The following ABCC12 variants were observed in gnomAD, a reference collection of about 807,000 sequenced individuals.
The protein encoded by ABCC12 is ATP binding cassette subfamily C member 12.
Under a neutral mutation model 151.1 loss-of-function variants are expected in ABCC12, and 142 were observed. The ratio of observed to expected loss-of-function variants is 0.94; its 90% CI spans 0.82 to 1.08. The LOEUF (loss-of-function observed/expected upper bound fraction) is 1.08, where lower values mean the gene tolerates loss of function less well. Among genes scored for constraint, ABCC12 ranks in the 50% least tolerant of loss-of-function variants. The pLI, the probability that ABCC12 is intolerant of heterozygous loss-of-function variation, is 0.00. For synonymous variants in ABCC12, 645 were observed against 646.4 expected (o/e 1.00, Z 0.03); for missense variants, 1,638 against 1,691.1 (o/e 0.97, Z 0.55).
rs759334010 is a variant in ABCC12, at chr16:48,138,217, T to G, written c.979+11A>C. On this transcript the variant is annotated intron_variant, in intron 8 of 30. Coordinates refer to ENST00000311303, the MANE Select transcript of ABCC12 (RefSeq NM_001393797.1). ...GGTAAGTGGTTCTTTAAGCAGCTAC[T>G]CTTGTCCTACCTTGGATAGTGTTGG... The G allele has an allele frequency of 6.3e-7, 1 of 1,595,236 alleles. No homozygotes were observed. The highest frequency in any genetic ancestry group is 8.6e-7 in the Non-Finnish European group (1 of 1,165,558).
intron 13 of ABCC12, among the ~76,000 whole-genome samples, chr16:48,121,080 T>A (rs1332750653): frequency 6.6e-6 from 1 of 152,148 alleles, no homozygotes; most frequent in Non-Finnish European, 1.5e-5. Flanking sequence ...TGAAACTTTG[T>A]ACCCTTTGGT....
chr16:48,140,036 T>A (rs74018260), intron 6 of ABCC12, among the ~76,000 whole-genome samples: 4,915 of 152,302 alleles, frequency 0.032, 251 homozygotes, highest in African/African-American at 0.11. Flanking sequence ...TACTTTTTTT[T>A]AATTCACTGT....
At position 48,088,215 on chromosome 16, in the gene ABCC12, G is replaced by A; in HGVS notation, c.3476-130C>T. The stretch of plus-strand genomic sequence containing the variant: ...GTAAGGATGACAGTGTAGACAGAAA[G>A]TGTCCTCACCAGGGTGGGGGTGGAG... On this transcript the variant is annotated intron_variant, in intron 26 of 30. Transcript: ENST00000311303. The A allele has an allele frequency of 1.3e-5, 15 of 1,151,378 alleles. No individual in the cohort carries two copies. In the South Asian group the frequency reaches 1.5e-4, roughly 12 times the overall value. 71.3% of individuals were successfully genotyped at this position (1,151,378 alleles called of 1,614,324 possible).
At chr16:48,113,886 G>A (rs1788375065) in intron 15 of ABCC12, among the ~76,000 whole-genome samples, 2 of 152,142 alleles carry the variant, frequency 1.3e-5, no homozygotes, top group Non-Finnish European at 2.9e-5. Context: ...ACATCTGTCA[G>A]GGATGAGGCA....
intron 15 of ABCC12, among the ~76,000 whole-genome samples, chr16:48,112,778 G>GAA (rs1963742775): frequency 1.3e-5 from 2 of 152,000 alleles, no homozygotes; most frequent in African/African-American, 4.8e-5. Context: ...ACCACGGTGT[G>GAA]GTCTCCAGGC....
intron 12 of ABCC12, among the ~76,000 whole-genome samples, chr16:48,123,671 A>G (rs1023839504): frequency 6.6e-6 from 1 of 152,222 alleles, no homozygotes; most frequent in South Asian, 2.1e-4. Flanking sequence ...GAGGTTTGTG[A>G]AAACTACAAA....
chr16:48,086,819 C>A lies in ABCC12; in HGVS notation c.3636G>T (p.Arg1212Ser). ...QDPVLFVGTV[R>S]YNLDPFESHT... ...GACTCTCAAAGGGATCCAAGTTGTA[C>A]CTGCAATGAAGGAGAGGAGAGGACA... Residue 1212 changes from arginine (R) to serine (S), a missense_variant and splice_region_variant, in exon 28 of 31, where the codon AGG becomes AGT. By Grantham distance (110) the Arg-to-Ser change is moderately radical. Transcript: ENST00000311303. 1.2e-6 allele frequency: 2 copies of A among 1,612,674 alleles called. No individual in the cohort carries two copies. Among genetic ancestry groups the A allele is most frequent in the East Asian group, 2.2e-5 (1 of 44,856 alleles).
At chr16:48,091,291 A>C in intron 24 of ABCC12, 82 bp from the exon 25 acceptor site, 1 of 1,239,268 alleles carries the variant, frequency 8.1e-7, no homozygotes, top group Non-Finnish European at 1.2e-6. Context: ...AGGCAGTCCT[A>C]GTGAATGATC....
intron 11 of ABCC12, 103 bp downstream of exon 11, chr16:48,128,356 A>T: frequency 6.7e-7 from 1 of 1,499,944 alleles, no homozygotes; most frequent in Non-Finnish European, 9.0e-7. Flanking sequence ...ACATCCCATC[A>T]CCACCTTCAG....
chr16:48,143,789 C>T lies in ABCC12; in HGVS notation c.275+121G>A, dbSNP rs1964902610. The T allele has an allele frequency of 2.3e-6, 3 of 1,290,640 alleles. No individual in the cohort carries two copies. The South Asian group carries it at 4.6e-5, about 20-fold the overall frequency. The allele number at this position is 1,290,640 out of a possible 1,614,324, so 79.9% of individuals were successfully genotyped here. Reference sequence around the variant, plus strand: ...TTCCACCATGATTGTGAGGCCTCCCCAGTCACATGGAACTGTGAGTCCATT... The same window carrying T: ...TTCCACCATGATTGTGAGGCCTCCCTAGTCACATGGAACTGTGAGTCCATT... On this transcript the variant is annotated intron_variant, in intron 4 of 30. Transcript: ENST00000311303.
chr16:48,111,323 C>G (rs933605833), intron 18 of ABCC12, 113 bp downstream of exon 18: 29 of 1,294,938 alleles, frequency 2.2e-5, no homozygotes, highest in Non-Finnish European at 2.5e-5. Flanking sequence ...CTAGACCATC[C>G]AATTCTGGCT....
At chr16:48,105,826 T>G (rs1481818884) in intron 20 of ABCC12, among the ~76,000 whole-genome samples, 1 of 152,198 alleles carries the variant, frequency 6.6e-6, no homozygotes, top group Non-Finnish European at 1.5e-5. Flanking sequence ...CTTCTCTGTA[T>G]GATGGGCCAG....
intron 15 of ABCC12, among the ~76,000 whole-genome samples, chr16:48,114,340 A>T (rs1392683219): frequency 6.6e-6 from 1 of 152,156 alleles, no homozygotes; most frequent in Non-Finnish European, 1.5e-5. Flanking sequence ...CCTCCTGGCC[A>T]CTACTGGAGG....
chr16:48,121,671 T>C, intron 13 of ABCC12, 45 bp downstream of exon 13: 1 of 1,611,340 alleles, frequency 6.2e-7, no homozygotes, highest in Non-Finnish European at 8.5e-7. Context: ...TAGGAGAGTG[T>C]GTACCAAACA....
intron 2 of ABCC12, 158 bp from the exon 3 acceptor site, chr16:48,146,632 C>T (rs1462174102): frequency 5.4e-6 from 3 of 554,782 alleles, no homozygotes; most frequent in Non-Finnish European, 9.6e-6. Flanking sequence ...GGCCAGAAGA[C>T]CTGCTACGTC....
intron 9 of ABCC12, among the ~76,000 whole-genome samples, chr16:48,131,779 G>A (rs867160563): frequency 2.0e-5 from 3 of 152,070 alleles, no homozygotes; most frequent in Admixed American, 6.5e-5. Context: ...CCATGGACAC[G>A]GCCCCAGGCT....
At chr16:48,123,390 C>A (rs1964136348) in intron 12 of ABCC12, among the ~76,000 whole-genome samples, 1 of 152,136 alleles carries the variant, frequency 6.6e-6, no homozygotes, top group Non-Finnish European at 1.5e-5. Flanking sequence ...CACCTCCAGG[C>A]AGGGAAGGAG....
chr16:48,130,893 T>C lies in ABCC12; in HGVS notation c.1131A>G (p.Ala377=). The C allele has an allele frequency of 6.2e-7, 1 of 1,606,276 alleles. No individual in the cohort carries two copies. Among genetic ancestry groups the C allele is most frequent in the Non-Finnish European group, 8.5e-7 (1 of 1,173,556 alleles). The part of the protein sequence containing the change: ...LLRRKLTAPV[A]FSVIAMFNVM... ...CATTAAACATGGCAATCACACTAAA[T>C]GCCTGAAGAACAAAAGAGAAGTATG... The change falls in exon 10 of 31, where the codon GCA becomes GCG. Residue 377 remains alanine, a splice_region_variant and synonymous_variant. Transcript: ENST00000311303.
intron 12 of ABCC12, among the ~76,000 whole-genome samples, chr16:48,123,519 C>T (rs537432897): frequency 6.6e-6 from 1 of 152,334 alleles, no homozygotes; most frequent in East Asian, 1.9e-4. Flanking sequence ...AGAAGTACCC[C>T]GACCTCTTCC....
Sources: gnomAD v4.1 joint callset for allele counts (sites outside exome capture counted in the v4.1 genomes callset) on GRCh38, gnomAD v4.1.1 for gene constraint, MANE v1.5 for transcripts, NCBI Gene and HGNC (gene_info 2026-07-23, HGNC 2026-07-21) for gene names.